CLUH: variants seen among roughly 807,000 people sequenced by gnomAD.
CLUH encodes clustered mitochondria protein homolog.
Under a neutral mutation model 139.3 loss-of-function variants are expected in CLUH, and 77 were observed. The ratio of observed to expected loss-of-function variants is 0.55; its 90% CI spans 0.46 to 0.67. The LOEUF (loss-of-function observed/expected upper bound fraction) is 0.67. CLUH is among the 30% of genes least tolerant of loss of function. CLUH has a pLI of 0.00. For missense variants in CLUH, 1,876 were observed against 1,875.8 expected, an observed-to-expected ratio of 1.00 and a Z score of 0.00; for synonymous variants, 999 against 801.6, an observed-to-expected ratio of 1.25 and a Z score of -4.16.
intron 1 of CLUH, chr17:2,711,130 G>A (rs1299765232): frequency 1.3e-5 from 2 of 152,394 alleles, no homozygotes; most frequent in African/African-American, 4.8e-5. Flanking sequence ...CTGCGCACAG[G>A]GGATGCCTGG....
rs1264650600 is a variant in CLUH at position 2,690,218 on chromosome 17, A to G, written c.*376T>C. On this transcript the variant is annotated 3_prime_UTR_variant, in exon 26 of 26. Transcript: ENST00000651024. ...TCTGCGCGTCACCCACTCAGGAGTCACCCACTCAGGACTGGCTCGGGCTAT... is the reference window on the plus strand; with the variant it reads ...TCTGCGCGTCACCCACTCAGGAGTCGCCCACTCAGGACTGGCTCGGGCTAT... 4.5e-6 allele frequency: 1 copy of G among 220,172 alleles called. No homozygotes were observed. Among genetic ancestry groups the G allele is most frequent in the Non-Finnish European group, 8.9e-6 (1 of 112,656 alleles). 13.6% of individuals were successfully genotyped at this position (220,172 alleles called of 1,614,324 possible).
At position 2,700,253 on chromosome 17, in the gene CLUH, C is replaced by T. The variant is rs970056908; in HGVS notation, c.1266+129G>A. On this transcript the variant is annotated intron_variant, in intron 9 of 25. Coordinates refer to ENST00000651024, the MANE Select transcript of CLUH (RefSeq NM_001366661.1). ...TAGCAGACCCTGCGGGAGACGCTGA[C>T]TGGCCTTCGGGGAACCTGACAGGGT... is the stretch of plus-strand genomic sequence containing the variant. 7.6e-6 allele frequency: 6 copies of T among 784,504 alleles called. No homozygotes were observed. In the African/African-American group the frequency reaches 8.7e-5, roughly 11 times the overall value. The allele number at this position is 784,504 out of a possible 1,614,324, so 48.6% of individuals were successfully genotyped here. A position where few individuals can be genotyped will look rare whatever the true frequency, so the allele number is the denominator to read the frequency against.
At chr17:2,692,171 G>A (rs2069716134) in intron 22 of CLUH, 74 bp from the exon 23 acceptor site, 3 of 1,470,110 alleles carry the variant, frequency 2.0e-6, no homozygotes, top group African/African-American at 1.4e-5. Flanking sequence ...TCGGGGGCCC[G>A]GGGTCTCCCG....
At chr17:2,691,562 CAAAA>C (rs532925246) in intron 25 of CLUH, 43 bp downstream of exon 25, 11 of 1,583,588 alleles carry the variant, frequency 6.9e-6, no homozygotes, top group East Asian at 4.6e-5. Flanking sequence ...CTCCGACTCA[CAAAA>C]AACCCCCAAC....
chr17:2,695,557 C>T (rs1367388656), intron 13 of CLUH, 31 bp from the exon 14 acceptor site: 7 of 1,555,568 alleles, frequency 4.5e-6, no homozygotes, highest in Non-Finnish European at 5.2e-6. Context: ...GGCCCCCACC[C>T]AGCTCCTCTG....
At chr17:2,693,798 CT>C in intron 19 of CLUH, 101 bp downstream of exon 19, 1 of 1,432,736 alleles carries the variant, frequency 7.0e-7, no homozygotes, top group South Asian at 1.4e-5. Flanking sequence ...CAGCGACTTC[CT>C]GGGGTCTCCC....
At chr17:2,699,557 G>C (rs547196545) in intron 9 of CLUH, among the ~76,000 whole-genome samples, 3 of 152,058 alleles carry the variant, frequency 2.0e-5, no homozygotes, top group Non-Finnish European at 4.4e-5. Context: ...CCAACTCCTG[G>C]GCTCAAGTGA....
Position 2,695,071 on chromosome 17 carries a change from T to C in CLUH, c.2638A>G (p.Ile880Val), listed in dbSNP as rs768848817. Residue 880 changes from isoleucine (I) to valine (V), a missense_variant, in exon 16 of 26, where the codon ATC (isoleucine) becomes GTC (valine). Physicochemically the swap from Ile to Val is conservative, Grantham distance 29. Transcript: ENST00000651024. ...AGGAAGCAGTTCAGGAAGTGGCTGATGGCGGCTGAGAGGCCGGAGAGCTCG... is the reference window on the plus strand; with the variant it reads ...AGGAAGCAGTTCAGGAAGTGGCTGACGGCGGCTGAGAGGCCGGAGAGCTCG... ...GVELSGLSAAISHFLNCFLSS... is the reference protein window; with the variant it reads ...GVELSGLSAAVSHFLNCFLSS... The C allele has an allele frequency of 2.5e-6, 4 of 1,612,780 alleles. No individual in the cohort carries two copies. Among genetic ancestry groups the C allele is most frequent in the East Asian group, 4.5e-5 (2 of 44,846 alleles).
chr17:2,709,017 GC>G (rs2070435846), intron 1 of CLUH, among the ~76,000 whole-genome samples: 1 of 152,202 alleles, frequency 6.6e-6, no homozygotes, highest in African/African-American at 2.4e-5. Context: ...GGAGAGCCGT[GC>G]CCCAACAGCA....
Position 2,694,950 on chromosome 17 carries a change from G to A in CLUH, c.2759C>T (p.Ala920Val), listed in dbSNP as rs764637954. ...KRRKNRPPGA[A>V]DNTAWAVMTP... Reference sequence around the variant, plus strand: ...CATGACAGCCCAGGCTGTGTTATCTGCAGCCCCCGGGGGCCGGTTTTTCCT... The same window carrying A: ...CATGACAGCCCAGGCTGTGTTATCTACAGCCCCCGGGGGCCGGTTTTTCCT... The change falls in exon 16 of 26, where the codon GCA becomes GTA. Residue 920 changes from alanine (A) to valine (V), a missense_variant. Physicochemically the swap from Ala to Val is moderately conservative, Grantham distance 64. Around this residue, in one of 3 missense-constraint regions of CLUH, gnomAD observed 1,454 missense variants for 1,384.4 expected, o/e 1.05. Coordinates refer to ENST00000651024, the MANE Select transcript of CLUH (RefSeq NM_001366661.1). The A allele has an allele frequency of 1.1e-5, 18 of 1,611,626 alleles. No homozygotes were observed. The South Asian group carries it at 1.7e-4, about 15-fold the overall frequency.
chr17:2,695,858 C>CGGG, intron 13 of CLUH: 1 of 576,210 alleles, frequency 1.7e-6, no homozygotes, highest in East Asian at 2.9e-5. Flanking sequence ...ACAGAGCCTG[C>CGGG]GGGAGGAGGA....
chr17:2,710,220 A>G (rs1394034138), intron 1 of CLUH, among the ~76,000 whole-genome samples: 1 of 152,210 alleles, frequency 6.6e-6, no homozygotes, highest in Non-Finnish European at 1.5e-5. Flanking sequence ...AGGGGAAATC[A>G]GCCAACCTCC....
chr17:2,702,692 G>C (rs368445841), intron 3 of CLUH, among the ~76,000 whole-genome samples: 4 of 152,216 alleles, frequency 2.6e-5, no homozygotes, highest in African/African-American at 9.6e-5. Flanking sequence ...CCCCGTGCCC[G>C]ACCTCCCCAC....
rs770898371 is a variant in CLUH, at chr17:2,698,486, G to A, written c.1371C>T (p.Phe457=). The change falls in exon 10 of 26, where the codon TTC becomes TTT. Residue 457 remains phenylalanine (F), a synonymous_variant. Transcript: ENST00000651024. ...GGCTGAAGAAGATGTTGTTCCAGAT[G>A]AACATCTGCATCTTGGTCTCCTCGC... ...NPSEETKMQM[F]IWNNIFFSLG... is the part of the protein sequence containing the mutation. 1.2e-6 allele frequency: 2 copies of A among 1,613,064 alleles called. No homozygotes were observed. Among genetic ancestry groups the A allele is most frequent in the African/African-American group, 1.3e-5 (1 of 74,936 alleles).
chr17:2,696,373 G>C (rs2069943988), intron 12 of CLUH, 61 bp downstream of exon 12: 2 of 1,519,460 alleles, frequency 1.3e-6, no homozygotes, highest in Non-Finnish European at 1.8e-6. Context: ...CAAGGGCCCA[G>C]GCCCCCCAGC....
chr17:2,695,488 G>A lies in CLUH; in HGVS notation c.2430C>T (p.Asp810=), dbSNP rs755502839. The change falls in exon 14 of 26, where the codon GAC becomes GAT. Residue 810 remains aspartate, a synonymous_variant. Coordinates refer to ENST00000651024, the MANE Select transcript of CLUH (RefSeq NM_001366661.1). ...DCMEHAVLPV[D]GATLAEVMRQ... ...GCATCACCTCTGCCAGCGTTGCCCC[G>A]TCCACGGGCAGGACCGCGTGCTCCA... 16 of 1,608,696 alleles carry A rather than the reference G, an allele frequency of 9.9e-6. No individual in the cohort carries two copies. The highest frequency in any genetic ancestry group is 6.7e-5 in the Admixed American group (4 of 59,966).
intron 1 of CLUH, among the ~76,000 whole-genome samples, chr17:2,709,017 G>C (rs1209696931): frequency 2.0e-5 from 3 of 152,202 alleles, no homozygotes; most frequent in African/African-American, 7.2e-5. Flanking sequence ...GGAGAGCCGT[G>C]CCCCAACAGC....
rs1333734628 is a variant in CLUH, at chr17:2,701,641, G to A, written c.716C>T (p.Pro239Leu). The change falls in exon 5 of 26, where the codon CCC (proline) becomes CTC (leucine). Residue 239 changes from proline (P) to leucine (L), a missense_variant. This residue lies in a region of CLUH where 270 missense variants were observed against 354.7 expected (regional missense o/e 0.76). Transcript: ENST00000651024. Reference sequence around the variant, plus strand: ...CCAGTCACGGTTTTGGGGCTGCAGGGGACACAGTGGCCGCTCCCGGCTCCC... The same window carrying A: ...CCAGTCACGGTTTTGGGGCTGCAGGAGACACAGTGGCCGCTCCCGGCTCCC... ...LPGSRERPLC[P>L]LQPQNRDWKP... is the part of the protein sequence containing the mutation. The A allele has an allele frequency of 6.2e-7, 1 of 1,606,776 alleles. No individual in the cohort carries two copies. Among genetic ancestry groups the A allele is most frequent in the Non-Finnish European group, 8.5e-7 (1 of 1,176,556 alleles).
rs1170397548 is a variant in CLUH, at chr17:2,703,747, C to T, written c.304-258G>A. On this transcript the variant is annotated intron_variant, in intron 2 of 25. Coordinates refer to ENST00000651024, the MANE Select transcript of CLUH (RefSeq NM_001366661.1). The surrounding 1 kb of genome is among the most constrained non-coding windows in gnomAD (Gnocchi z 4.2). ...CAGCCTGGAGCCTGGCCCACCGACT[C>T]GGCCTGCAGACCCAGAGCAATGCCC... 6.6e-6 allele frequency among the ~76,000 whole-genome samples: 1 copy of T among 152,124 alleles called. No homozygotes were observed. Among genetic ancestry groups the T allele is most frequent in the Non-Finnish European group, 1.5e-5 (1 of 68,020 alleles).
Sources: allele counts gnomAD v4.1 joint callset (sites outside exome capture counted in the v4.1 genomes callset), GRCh38; gene constraint gnomAD v4.1.1; regional missense constraint gnomAD v4.1.1; non-coding constraint Gnocchi (gnomAD v3.1); transcripts MANE v1.5; gene names NCBI Gene and HGNC (gene_info 2026-07-23, HGNC 2026-07-21).